Variants in MICALL2 observed in about 807,000 individuals in gnomAD.
The protein encoded by MICALL2 is MICAL like 2, also known as MICAL-like protein 2.
In MICALL2, 111 loss-of-function variants were observed where a neutral mutation model predicts 91.1. That is an observed-to-expected ratio of 1.22 (90% CI 1.04 to 1.43). The LOEUF (loss-of-function observed/expected upper bound fraction) is 1.43. Ranked by LOEUF, MICALL2 falls within the 40% of genes most tolerant of loss-of-function variation. The pLI, the probability that MICALL2 is intolerant of heterozygous loss-of-function variation, is 0.00. For missense variants in MICALL2, 1,556 were observed against 1,236.0 expected, an observed-to-expected ratio of 1.26 and a Z score of -3.88; for synonymous variants, 694 against 525.3, an observed-to-expected ratio of 1.32 and a Z score of -4.39.
intron 16 of MICALL2, 76 bp downstream of exon 16, chr7:1,435,025 C>A: frequency 6.9e-7 from 1 of 1,443,564 alleles, no homozygotes; most frequent in African/African-American, 1.4e-5. Context: ...GTCCACCCAG[C>A]CAGCCAGCCC....
intron 9 of MICALL2, 123 bp from the exon 10 acceptor site, chr7:1,439,118 G>T (rs530404749): frequency 2.6e-6 from 2 of 760,284 alleles, no homozygotes; most frequent in East Asian, 2.8e-5. Flanking sequence ...TGGGCCTCCC[G>T]ACTGGCACAG....
intron 1 of MICALL2, chr7:1,450,497 G>T (rs752915007): frequency 4.7e-5 from 27 of 569,280 alleles, no homozygotes; most frequent in Non-Finnish European, 8.7e-5. Flanking sequence ...ACCGTAGTAC[G>T]ACATCAGACG....
rs1780323759 is a variant in MICALL2 at position 1,442,270 on chromosome 7, C to A, written c.1633G>T (p.Val545Phe). The A allele has an allele frequency of 1.9e-6, 3 of 1,612,852 alleles. No homozygotes were observed. Residue 545 changes from valine (V) to phenylalanine (F), a missense_variant, in exon 7 of 17, where the codon GTC (valine) becomes TTC (phenylalanine). Val to Phe is a conservative substitution (Grantham distance 50). Coordinates refer to ENST00000297508, the MANE Select transcript of MICALL2 (RefSeq NM_182924.4). Reference sequence around the variant, plus strand: ...CTGGAGCCAGCACCCACCCTGCCGACCCCTGAGGATTCCGCCAAGTTCCTC... The same window carrying A: ...CTGGAGCCAGCACCCACCCTGCCGAACCCTGAGGATTCCGCCAAGTTCCTC... ...GRRNLAESSGVGRVGAGSRPK... is the reference protein window; with the variant it reads ...GRRNLAESSGFGRVGAGSRPK...
chr7:1,459,081 G>C (rs936453800), intron 1 of MICALL2, 103 bp downstream of exon 1: 6 of 1,228,428 alleles, frequency 4.9e-6, no homozygotes, highest in Non-Finnish European at 6.8e-6. Context: ...CCAGTCCCAC[G>C]CCTCGGCTCC....
intron 14 of MICALL2, chr7:1,437,247 C>G: frequency 1.9e-6 from 1 of 524,734 alleles, no homozygotes; most frequent in Non-Finnish European, 3.3e-6. Context: ...CACTAAATGC[C>G]TTGTGCGAAT....
chr7:1,458,788 G>A (rs1479511792), intron 1 of MICALL2, among the ~76,000 whole-genome samples: 2 of 152,256 alleles, frequency 1.3e-5, no homozygotes, highest in Non-Finnish European at 2.9e-5. Flanking sequence ...CAGGCTGGGG[G>A]AGGGTCAGTG....
Position 1,437,823 on chromosome 7 carries a change from C to G in MICALL2, c.2402+67G>C, listed in dbSNP as rs373390508. ...GGCCTGACTCTGCGCTCCTGTCCCC[C>G]GCCTGGCCTGCCCAGCCCGCAACGA... is the stretch of plus-strand genomic sequence containing the variant. On this transcript the variant is annotated intron_variant, in intron 13 of 16. Transcript: ENST00000297508. 47 of 1,449,076 alleles carry G rather than the reference C, an allele frequency of 3.2e-5. 1 individual carries two copies. The highest frequency in any genetic ancestry group is 6.1e-5 in the South Asian group (5 of 81,846). 89.8% of individuals were successfully genotyped at this position (1,449,076 alleles called of 1,614,324 possible).
chr7:1,437,293 G>T, intron 14 of MICALL2: 1 of 501,768 alleles, frequency 2.0e-6, no homozygotes, highest in African/African-American at 2.1e-5. Flanking sequence ...TGCGTGAGGT[G>T]GGTGCTACAA....
Position 1,437,909 on chromosome 7 carries a change from C to T in MICALL2, c.2383G>A (p.Glu795Lys), listed in dbSNP as rs1424884923. 1 of 1,549,244 alleles carries T rather than the reference C, an allele frequency of 6.5e-7. No homozygotes were observed. Among genetic ancestry groups the T allele is most frequent in the Non-Finnish European group, 8.7e-7 (1 of 1,146,852 alleles). The part of the protein sequence containing the change: ...IHEKQLLLRQ[E>K]SELMYKSKAQ... ...TCTCACTTGTACATCAGCTCTGACTCCTGTCTCAGCAGAAGCTGCTTCTCG... is the reference window on the plus strand; with the variant it reads ...TCTCACTTGTACATCAGCTCTGACTTCTGTCTCAGCAGAAGCTGCTTCTCG... Residue 795 changes from glutamate to lysine, a missense_variant, in exon 13 of 17, where the codon GAG (glutamate) becomes AAG (lysine). Coordinates refer to ENST00000297508, the MANE Select transcript of MICALL2 (RefSeq NM_182924.4).
chr7:1,453,200 C>G lies in MICALL2; in HGVS notation c.144-2912G>C, dbSNP rs116118675. Among the ~76,000 whole-genome samples the G allele has an allele frequency of 7.4e-3, 1,133 of 152,180 alleles. 12 individuals are homozygous for G. The highest frequency in any genetic ancestry group is 0.026 in the African/African-American group (1,080 of 41,536). ...CTAACCTCCAATTCCACCACGTGACCTTATTTGGAGACAGGGTCTTTCTGG... is the reference window on the plus strand; with the variant it reads ...CTAACCTCCAATTCCACCACGTGACGTTATTTGGAGACAGGGTCTTTCTGG... On this transcript the variant is annotated intron_variant, in intron 1 of 16. Transcript: ENST00000297508.
intron 2 of MICALL2, among the ~76,000 whole-genome samples, chr7:1,449,265 G>T (rs1462666731): frequency 1.3e-5 from 2 of 152,270 alleles, no homozygotes; most frequent in African/African-American, 4.8e-5. Flanking sequence ...GTGAGCATGG[G>T]AAGTGTGGCC....
In MICALL2 at chr7:1,447,687, G is replaced by A. The variant is rs144832180; in HGVS notation, c.413C>T (p.Ala138Val). 262 of 1,580,800 alleles carry A rather than the reference G, an allele frequency of 1.7e-4. 1 individual carries two copies. In the Middle Eastern group the frequency reaches 1.9e-3, roughly 11 times the overall value. The stretch of plus-strand genomic sequence containing the variant: ...TGGGGCGGGCGAGGGCAGCTTGGCC[G>A]CCTGGACTGGAGCCTTCTTCCCTGA... Reference protein sequence around the residue: ...EPSGKKAPVQAAKLPSPAPAR... With the variant: ...EPSGKKAPVQVAKLPSPAPAR... The change falls in exon 4 of 17, where the codon GCG (alanine) becomes GTG (valine). Residue 138 changes from alanine to valine, a missense_variant. Transcript: ENST00000297508.
In MICALL2 at chr7:1,436,751, T is replaced by C. The variant is rs765136018; in HGVS notation, c.2582A>G (p.Asp861Gly). 2 of 1,605,238 alleles carry C rather than the reference T, an allele frequency of 1.2e-6. No individual in the cohort carries two copies. Among genetic ancestry groups the C allele is most frequent in the East Asian group, 2.3e-5 (1 of 44,406 alleles). ...GGCACCTGCCCCTCACCGGAGCCGG[T>C]CCTCGTCCAGCGAGTCCACGATGTC... is the stretch of plus-strand genomic sequence containing the variant. ...RSDIVDSLDE[D>G]RLREQEEDQM... is the part of the protein sequence containing the mutation. The change falls in exon 15 of 17, where the codon GAC (aspartate) becomes GGC (glycine). Residue 861 changes from aspartate to glycine, a missense_variant. By Grantham distance (94) the Asp-to-Gly change is moderately conservative. Coordinates refer to ENST00000297508, the MANE Select transcript of MICALL2 (RefSeq NM_182924.4).
rs374485082 is a variant in MICALL2 at position 1,445,075 on chromosome 7, G to A, written c.995C>T (p.Thr332Met). The A allele has an allele frequency of 3.7e-5, 57 of 1,550,434 alleles. No individual in the cohort carries two copies. In the African/African-American group the frequency reaches 4.4e-4, roughly 12 times the overall value. The change falls in exon 6 of 17, where the codon ACG (threonine) becomes ATG (methionine). Residue 332 changes from threonine (T) to methionine (M), a missense_variant. Coordinates refer to ENST00000297508, the MANE Select transcript of MICALL2 (RefSeq NM_182924.4). Reference protein sequence around the residue: ...PSESRLAPTPTEGKVRPRVTN... With the variant: ...PSESRLAPTPMEGKVRPRVTN... ...CACACGAGGGCGGACTTTCCCCTCC[G>A]TGGGAGTGGGGGCCAGGCGGCTCTC...
At position 1,445,083 on chromosome 7, in the gene MICALL2, G is replaced by C; in HGVS notation, c.987C>G (p.Pro329=). ...PARPSESRLA[P]TPTEGKVRPR... ...GGCGGACTTTCCCCTCCGTGGGAGT[G>C]GGGGCCAGGCGGCTCTCAGAGGGCC... The change falls in exon 6 of 17, where the codon CCC becomes CCG. Residue 329 remains proline, a synonymous_variant. Coordinates refer to ENST00000297508, the MANE Select transcript of MICALL2 (RefSeq NM_182924.4). The C allele has an allele frequency of 6.4e-7, 1 of 1,551,142 alleles. No homozygotes were observed. Among genetic ancestry groups the C allele is most frequent in the Non-Finnish European group, 8.7e-7 (1 of 1,148,098 alleles).
chr7:1,457,860 C>G (rs79279296), intron 1 of MICALL2, among the ~76,000 whole-genome samples: 6,203 of 152,346 alleles, frequency 0.041, 428 homozygotes, highest in African/African-American at 0.14. Context: ...CCCTGCAGCC[C>G]CGGGGGTGGG....
rs200261695 is a variant in MICALL2, at chr7:1,446,725, C to G, written c.629G>C (p.Arg210Pro). The change falls in exon 5 of 17, where the codon CGG becomes CCG. Residue 210 changes from arginine (R) to proline (P), a missense_variant. By Grantham distance (103) the Arg-to-Pro change is moderately radical. Coordinates refer to ENST00000297508, the MANE Select transcript of MICALL2 (RefSeq NM_182924.4). ...AGGGCAGCCCCACCTGAAGCAGCTC[C>G]GGTGGTAAAGCCTCCCGTCGGCCAG... is the stretch of plus-strand genomic sequence containing the variant. ...RHLADGRLYH[R>P]SCFRCKQCSC... The G allele has an allele frequency of 6.2e-7, 1 of 1,600,096 alleles. No homozygotes were observed. The highest frequency in any genetic ancestry group is 8.5e-7 in the Non-Finnish European group (1 of 1,174,290).
At chr7:1,453,867 G>A (rs904055171) in intron 1 of MICALL2, among the ~76,000 whole-genome samples, 3 of 152,350 alleles carry the variant, frequency 2.0e-5, no homozygotes, top group Admixed American at 1.3e-4. Flanking sequence ...TCTGTGCTTG[G>A]TGAGATTTCT....
chr7:1,443,230 C>A (rs1780398851), intron 6 of MICALL2, among the ~76,000 whole-genome samples: 1 of 150,874 alleles, frequency 6.6e-6, no homozygotes, highest in African/African-American at 2.4e-5. Context: ...CCCTGGAGCA[C>A]CCCCGCCACT....
Sources: gnomAD v4.1 joint callset for allele counts (sites outside exome capture counted in the v4.1 genomes callset) on GRCh38, gnomAD v4.1.1 for gene constraint, MANE v1.5 for transcripts, NCBI Gene and HGNC (gene_info 2026-07-23, HGNC 2026-07-21) for gene names.